Variants in LRRFIP1 observed in about 807,000 individuals in gnomAD.
LRRFIP1 encodes the protein leucine-rich repeat flightless-interacting protein 1.
Under a neutral mutation model 104.4 loss-of-function variants are expected in LRRFIP1, and 62 were observed. The observed-to-expected ratio is 0.59, with a 90% confidence interval of 0.48 to 0.73. The LOEUF (loss-of-function observed/expected upper bound fraction) is 0.73, where lower values mean the gene tolerates loss of function less well. Ranked by LOEUF, LRRFIP1 falls within the 30% of genes least tolerant of loss-of-function variation. LRRFIP1 has a pLI of 0.00. For synonymous variants in LRRFIP1, 300 were observed against 299.0 expected, an observed-to-expected ratio of 1.00 and a Z score of -0.03; for missense variants, 796 against 824.5, an observed-to-expected ratio of 0.97 and a Z score of 0.42.
intron 6 of LRRFIP1, among the ~76,000 whole-genome samples, 196 bp from the exon 7 acceptor site, chr2:237,723,352 A>G (rs10167452): frequency 0.019 from 2,949 of 152,284 alleles, 100 homozygotes; most frequent in African/African-American, 0.067. Context: ...ATTGAATGCT[A>G]CTGGATTCTG....
chr2:237,666,748 ATTCTTTCTCT>A (rs1330000288), intron 1 of LRRFIP1, among the ~76,000 whole-genome samples: 1 of 143,576 alleles, frequency 7.0e-6, no homozygotes, highest in Non-Finnish European at 1.5e-5. Flanking sequence ...TCGTTCTTTC[ATTCTTTCTCT>A]TTCTTTCTCT....
At chr2:237,643,115 T>C (rs768655455) in intron 1 of LRRFIP1, among the ~76,000 whole-genome samples, 8 of 152,244 alleles carry the variant, frequency 5.3e-5, no homozygotes, top group Non-Finnish European at 1.0e-4. Context: ...TAAAATAAAT[T>C]CTTAAACACT....
chr2:237,718,326 T>C (rs1049371821), intron 4 of LRRFIP1, among the ~76,000 whole-genome samples: 4 of 152,250 alleles, frequency 2.6e-5, no homozygotes, highest in African/African-American at 9.6e-5. Flanking sequence ...GGTTCTCTCT[T>C]CATCTTGTCC....
intron 11 of LRRFIP1, among the ~76,000 whole-genome samples, chr2:237,744,782 A>G (rs1233465246): frequency 6.6e-6 from 1 of 152,252 alleles, no homozygotes; most frequent in East Asian, 1.9e-4. Flanking sequence ...AGAATACGAG[A>G]GTCATGAAGC....
chr2:237,675,511 G>A (rs2091018949), intron 1 of LRRFIP1, among the ~76,000 whole-genome samples: 2 of 152,186 alleles, frequency 1.3e-5, no homozygotes, highest in South Asian at 4.1e-4. Flanking sequence ...AAAAAACAGA[G>A]AGCTGAGAGC....
chr2:237,705,850 G>A lies in LRRFIP1; in HGVS notation c.97-2694G>A, dbSNP rs191567336. On this transcript the variant is annotated intron_variant, in intron 1 of 23. Coordinates refer to ENST00000308482, the MANE Select transcript of LRRFIP1 (RefSeq NM_001137550.2). ...GACTGTGGTCACTGTTCCTGCTGGC[G>A]TCAGTCAGCCAGGGGCTGCTCTCAG... is the stretch of plus-strand genomic sequence containing the variant. 1.2e-3 allele frequency among the ~76,000 whole-genome samples: 188 copies of A among 152,248 alleles called. 2 individuals carry two copies. Among genetic ancestry groups the A allele is most frequent in the African/African-American group, 4.3e-3 (178 of 41,540 alleles).
chr2:237,750,861 T>C (rs555168683), intron 13 of LRRFIP1, among the ~76,000 whole-genome samples: 2 of 152,326 alleles, frequency 1.3e-5, no homozygotes, highest in Admixed American at 6.5e-5. Context: ...TACTGTACAT[T>C]GCACAGAGTA....
intron 19 of LRRFIP1, 98 bp downstream of exon 19, chr2:237,760,303 TTAAC>T: frequency 7.6e-7 from 1 of 1,324,156 alleles, no homozygotes; most frequent in Non-Finnish European, 1.0e-6. Context: ...CGCTGATGGG[TTAAC>T]AGTCACCAGC....
chr2:237,642,521 G>A (rs1335690794), intron 1 of LRRFIP1, among the ~76,000 whole-genome samples: 1 of 151,862 alleles, frequency 6.6e-6, no homozygotes, highest in Non-Finnish European at 1.5e-5. Flanking sequence ...CCGGGTTCCA[G>A]GCTAAGGGTT....
At chr2:237,763,900 C>G (rs138516108) in intron 19 of LRRFIP1, 3 of 1,614,180 alleles carry the variant, frequency 1.9e-6, no homozygotes, top group East Asian at 4.5e-5. Flanking sequence ...GCACCCTGCC[C>G]GAACATGAAA....
At chr2:237,656,543 G>A (rs1011706523) in intron 1 of LRRFIP1, among the ~76,000 whole-genome samples, 2 of 152,162 alleles carry the variant, frequency 1.3e-5, no homozygotes, top group African/African-American at 2.4e-5. Context: ...CTGTGGCCCT[G>A]AGCTCTCTCA....
chr2:237,733,936 T>TCACATGTAAGCTC, intron 9 of LRRFIP1, 118 bp downstream of exon 9: 1 of 1,065,178 alleles, frequency 9.4e-7, no homozygotes, highest in South Asian at 1.3e-5. Context: ...AGTTGCACCT[T>TCACATGTAAGCTC]CACGTGGAGC....
At chr2:237,648,572 A>T (rs1374879727) in intron 1 of LRRFIP1, among the ~76,000 whole-genome samples, 2 of 151,628 alleles carry the variant, frequency 1.3e-5, no homozygotes, top group African/African-American at 2.4e-5. Flanking sequence ...CTACAAGAAA[A>T]AAAAAAAAGA....
At chr2:237,723,843 G>A (rs990472644) in intron 7 of LRRFIP1, among the ~76,000 whole-genome samples, 1 of 152,250 alleles carries the variant, frequency 6.6e-6, no homozygotes, top group Non-Finnish European at 1.5e-5. Context: ...TGGCCTTTGA[G>A]CACCAGCTGT....
At chr2:237,705,692 C>CCT (rs1437011680) in intron 1 of LRRFIP1, among the ~76,000 whole-genome samples, 21 of 151,926 alleles carry the variant, frequency 1.4e-4, no homozygotes, top group African/African-American at 4.6e-4. Context: ...CTGGACTCAG[C>CCT]CTCTCTGGGT....
intron 1 of LRRFIP1, among the ~76,000 whole-genome samples, chr2:237,655,099 C>CTTTT (rs1289493981): frequency 9.8e-5 from 9 of 91,828 alleles, no homozygotes; most frequent in African/African-American, 3.6e-4. Context: ...CGTGATCTCA[C>CTTTT]TTCTTTTTTT....
At chr2:237,708,845 A>C in intron 2 of LRRFIP1, 1 of 683,042 alleles carries the variant, frequency 1.5e-6, no homozygotes, top group Non-Finnish European at 2.7e-6. Context: ...CTGGCTCCTG[A>C]GAGGGGCTTA....
At chr2:237,712,593 C>T (rs927283172) in intron 2 of LRRFIP1, among the ~76,000 whole-genome samples, 2 of 152,176 alleles carry the variant, frequency 1.3e-5, no homozygotes, top group African/African-American at 2.4e-5. Context: ...GGGCAGAGGC[C>T]AGGAGGAATG....
chr2:237,649,052 C>G lies in LRRFIP1; in HGVS notation c.96+21312C>G, dbSNP rs868117837. On this transcript the variant is annotated intron_variant, in intron 1 of 23. Coordinates refer to ENST00000308482, the MANE Select transcript of LRRFIP1 (RefSeq NM_001137550.2). This position sits in a 1 kb window ranked among gnomAD's most constrained non-coding sequence, Gnocchi z 4.1. ...CTTGTCACCATCCTTTGTTGCCTCC[C>G]ATCTGTGGTCAGCACGGAGGCTGCC... 4.6e-5 allele frequency among the ~76,000 whole-genome samples: 7 copies of G among 151,900 alleles called. No homozygotes were observed. Among genetic ancestry groups the G allele is most frequent in the African/African-American group, 1.7e-4 (7 of 41,424 alleles).
Sources: gnomAD v4.1 joint callset for allele counts (sites outside exome capture counted in the v4.1 genomes callset) on GRCh38, gnomAD v4.1.1 for gene constraint, Gnocchi (gnomAD v3.1) non-coding constraint, MANE v1.5 for transcripts, NCBI Gene and HGNC (gene_info 2026-07-23, HGNC 2026-07-21) for gene names.